The following ROCK2 variants were observed in gnomAD, a reference collection of about 807,000 sequenced individuals.
The protein encoded by ROCK2 is rho-associated protein kinase 2.
In ROCK2, 61 loss-of-function variants were observed where a neutral mutation model predicts 195.1. The ratio of observed to expected loss-of-function variants is 0.31; its 90% CI spans 0.25 to 0.39. The LOEUF (loss-of-function observed/expected upper bound fraction) is 0.39, where lower values mean the gene tolerates loss of function less well. ROCK2 is among the 10% of genes least tolerant of loss of function. The probability of loss-of-function intolerance (pLI) is 1.00; values close to 1 mark genes in which losing one functional copy is unlikely to be tolerated. For missense variants in ROCK2, 1,109 were observed against 1,637.4 expected (o/e 0.68, Z 5.57); for synonymous variants, 504 against 545.5 (o/e 0.92, Z 1.06).
At chr2:11,214,309 A>C (rs779654538) in intron 17 of ROCK2, 48 bp downstream of exon 17, 1 of 1,055,674 alleles carries the variant, frequency 9.5e-7, no homozygotes, top group Non-Finnish European at 1.4e-6. Context: ...TTCTAACCTG[A>C]AAGTCTACTG....
chr2:11,225,958 G>C (rs764735344), intron 6 of ROCK2, among the ~76,000 whole-genome samples: 4 of 152,056 alleles, frequency 2.6e-5, no homozygotes, highest in African/African-American at 7.2e-5. Flanking sequence ...AAGTTCAAGA[G>C]TAATTATTAT....
At chr2:11,307,327 G>C (rs1402085038) in intron 1 of ROCK2, among the ~76,000 whole-genome samples, 1 of 151,890 alleles carries the variant, frequency 6.6e-6, no homozygotes, top group African/African-American at 2.4e-5. Context: ...TTGTTTATTT[G>C]TTTCTGAGAC....
At chr2:11,217,310 A>C (rs1463445747) in intron 11 of ROCK2, 141 bp from the exon 12 acceptor site, 4 of 731,958 alleles carry the variant, frequency 5.5e-6, no homozygotes, top group Non-Finnish European at 1.0e-5. Flanking sequence ...GTACCTCCTT[A>C]ATGTGACTTA....
chr2:11,221,637 A>C (rs1558304242), intron 8 of ROCK2, among the ~76,000 whole-genome samples: 1 of 152,206 alleles, frequency 6.6e-6, no homozygotes, highest in Non-Finnish European at 1.5e-5. Flanking sequence ...CATTTTCTAC[A>C]ATCTCGAAAC....
chr2:11,225,796 C>T (rs968080506), intron 6 of ROCK2, among the ~76,000 whole-genome samples: 3 of 152,138 alleles, frequency 2.0e-5, no homozygotes, highest in African/African-American at 7.2e-5. Context: ...GGAGAACGGA[C>T]AGCTACATGG....
chr2:11,273,853 C>T lies in ROCK2; in HGVS notation c.324+12686G>A, dbSNP rs376457333. Among the ~76,000 whole-genome samples the T allele has an allele frequency of 1.9e-4, 28 of 148,662 alleles. 1 individual carries two copies. Among genetic ancestry groups the T allele is most frequent in the African/African-American group, 4.9e-4 (20 of 40,648 alleles). On this transcript the variant is annotated intron_variant, in intron 3 of 32. Transcript: ENST00000315872. ...CTGAGGCAGGAGAATGGCGTGAACC[C>T]GGGAGGTGGAGCTGGCAGTGAGCCG...
At chr2:11,286,154 G>A (rs987021760) in intron 3 of ROCK2, among the ~76,000 whole-genome samples, 3 of 145,278 alleles carry the variant, frequency 2.1e-5, no homozygotes, top group African/African-American at 5.0e-5. Context: ...TATGGCCTGC[G>A]AAAATAAATT....
intron 1 of ROCK2, among the ~76,000 whole-genome samples, chr2:11,337,189 G>A (rs74897106): frequency 0.023 from 3,405 of 151,052 alleles, 59 homozygotes; most frequent in East Asian, 0.053. Context: ...AGGTTACAGT[G>A]AACCGAGATT....
At chr2:11,219,567 C>T (rs1558302506) in intron 9 of ROCK2, among the ~76,000 whole-genome samples, 3 of 152,102 alleles carry the variant, frequency 2.0e-5, no homozygotes, top group Admixed American at 6.5e-5. Flanking sequence ...TTCCCTCTTA[C>T]GGGATAACTA....
intron 1 of ROCK2, among the ~76,000 whole-genome samples, chr2:11,298,775 C>T (rs1479271414): frequency 6.6e-6 from 1 of 152,124 alleles, no homozygotes; most frequent in Non-Finnish European, 1.5e-5. Flanking sequence ...AGATGTTTCT[C>T]ATAACCCTTA....
At chr2:11,245,588 T>G (rs1054782924) in intron 4 of ROCK2, among the ~76,000 whole-genome samples, 3 of 152,152 alleles carry the variant, frequency 2.0e-5, no homozygotes, top group Non-Finnish European at 4.4e-5. Flanking sequence ...ATGCTAGGAA[T>G]CTATTGTAAA....
intron 14 of ROCK2, 38 bp downstream of exon 14, chr2:11,215,472 T>C: frequency 1.2e-6 from 2 of 1,607,686 alleles, no homozygotes; most frequent in South Asian, 2.2e-5. Context: ...ACACTTAATT[T>C]TTTTCTTGAT....
In ROCK2 at chr2:11,214,139, C is replaced by A. The variant is rs566414510; in HGVS notation, c.2043+218G>T. On this transcript the variant is annotated intron_variant, in intron 17 of 32. Coordinates refer to ENST00000315872, the MANE Select transcript of ROCK2 (RefSeq NM_004850.5). ...ATTATCTACACTCCAGGATGGGTCC[C>A]CTTACTTCATGAGCAACCAGCATGC... Among the ~76,000 whole-genome samples the A allele has an allele frequency of 1.0e-3, 153 of 152,202 alleles. 5 individuals carry two copies. The South Asian group carries it at 0.031, about 31-fold the overall frequency.
chr2:11,252,519 C>A (rs1314876952), intron 3 of ROCK2, among the ~76,000 whole-genome samples: 4 of 152,142 alleles, frequency 2.6e-5, no homozygotes, highest in Admixed American at 2.6e-4. Flanking sequence ...TATTGCAGCA[C>A]TGTTCACAAC....
chr2:11,217,956 T>C (rs1175165956), intron 11 of ROCK2: 2 of 152,996 alleles, frequency 1.3e-5, no homozygotes, highest in African/African-American at 4.8e-5. Flanking sequence ...AAAAGGTAAA[T>C]AATCAGGCCA....
intron 1 of ROCK2, chr2:11,308,938 A>G (rs1430985721): frequency 3.7e-6 from 6 of 1,611,680 alleles, no homozygotes; most frequent in Admixed American, 3.3e-5. Flanking sequence ...TGCACAAGGA[A>G]TGATCCTGAC....
At chr2:11,342,475 T>G (rs1669137534) in intron 1 of ROCK2, among the ~76,000 whole-genome samples, 2 of 152,238 alleles carry the variant, frequency 1.3e-5, no homozygotes, top group Non-Finnish European at 2.9e-5. Flanking sequence ...TCATTAAAGA[T>G]CTAAGATATC....
At chr2:11,338,742 T>C (rs150924446) in intron 1 of ROCK2, among the ~76,000 whole-genome samples, 5 of 152,138 alleles carry the variant, frequency 3.3e-5, no homozygotes, top group East Asian at 1.9e-4. Flanking sequence ...TTTATACATA[T>C]AACAGAAGAC....
At position 11,253,061 on chromosome 2, in the gene ROCK2, C is replaced by T. The variant is rs570886136; in HGVS notation, c.325-3263G>A. 2.0e-5 allele frequency among the ~76,000 whole-genome samples: 3 copies of T among 151,930 alleles called. No homozygotes were observed. The East Asian group carries it at 5.8e-4, about 29-fold the overall frequency. ...ACACAATTAGGATGATTTTACCAAACAGGGCTAGATTACATCTGTCCACCC... is the reference window on the plus strand; with the variant it reads ...ACACAATTAGGATGATTTTACCAAATAGGGCTAGATTACATCTGTCCACCC... On this transcript the variant is annotated intron_variant, in intron 3 of 32. Transcript: ENST00000315872.
Sources: allele counts gnomAD v4.1 joint callset (sites outside exome capture counted in the v4.1 genomes callset), GRCh38; gene constraint gnomAD v4.1.1; transcripts MANE v1.5; gene names NCBI Gene and HGNC (gene_info 2026-07-23, HGNC 2026-07-21).